Variants in PCDH11X observed in about 807,000 individuals in gnomAD.
PCDH11X encodes protocadherin-11 X-linked.
Under a neutral mutation model 53.3 loss-of-function variants are expected in PCDH11X, and 18 were observed. That is an observed-to-expected ratio of 0.34 (90% confidence interval 0.23 to 0.50). The LOEUF is 0.50. Ranked by LOEUF, PCDH11X falls within the 20% of genes least tolerant of loss-of-function variation. The probability of loss-of-function intolerance (pLI) is 0.98; values close to 1 mark genes in which losing one functional copy is unlikely to be tolerated. For missense variants in PCDH11X, 570 were observed against 1,032.4 expected (o/e 0.55, Z 6.14); for synonymous variants, 279 against 393.3 (o/e 0.71, Z 3.44).
intron 6 of PCDH11X, among the ~76,000 whole-genome samples, chrX:91,916,178 A>G (rs763304341): frequency 9.0e-6 from 1 of 111,548 alleles, no homozygotes; most frequent in East Asian, 2.8e-4. Flanking sequence ...CAAAAAAAGC[A>G]GTACTCAGAG....
At chrX:91,966,614 G>A (rs1364339197) in intron 6 of PCDH11X, among the ~76,000 whole-genome samples, 2 of 109,839 alleles carry the variant, frequency 1.8e-5, no homozygotes, top group Non-Finnish European at 3.8e-5. Context: ...CCTGCACGTT[G>A]TGCACATGTA....
chrX:91,861,173 C>T (rs749996080), intron 5 of PCDH11X, among the ~76,000 whole-genome samples: 30 of 111,571 alleles, frequency 2.7e-4, no homozygotes, highest in African/African-American at 6.5e-4. Flanking sequence ...TTGGTCTCTT[C>T]GGGGATTCTA....
chrX:92,110,463 T>G (rs1225554662), intron 6 of PCDH11X, among the ~76,000 whole-genome samples: 1 of 107,416 alleles, frequency 9.3e-6, no homozygotes, highest in African/African-American at 3.4e-5. Context: ...TACGCCTTTC[T>G]CCAAAGATGA....
Position 92,519,352 on chromosome X carries a change from A to G in PCDH11X, c.3367+51030A>G, listed in dbSNP as rs1265337751. On this transcript the variant is annotated intron_variant, in intron 10 of 10. Coordinates refer to ENST00000682573, the MANE Select transcript of PCDH11X (RefSeq NM_032968.5). Reference sequence around the variant, plus strand: ...ACTTCTTTATTATCTCTATCAAAACATGATACAAAATTGATCTCTTCCCCT... The same window carrying G: ...ACTTCTTTATTATCTCTATCAAAACGTGATACAAAATTGATCTCTTCCCCT... 3.7e-5 allele frequency among the ~76,000 whole-genome samples: 4 copies of G among 108,526 alleles called. No individual in the cohort carries two copies. The East Asian group carries it at 1.2e-3, about 32-fold the overall frequency. The allele number at this position is 108,526 out of a possible 115,157, so 94.2% of individuals were successfully genotyped here.
At chrX:91,850,797 T>A (rs1441629099) in intron 5 of PCDH11X, among the ~76,000 whole-genome samples, 2 of 110,210 alleles carry the variant, frequency 1.8e-5, no homozygotes, top group African/African-American at 6.6e-5. Context: ...CCTTACCAAT[T>A]GGTAAGCATT....
intron 10 of PCDH11X, among the ~76,000 whole-genome samples, chrX:92,616,793 T>C (rs1255985165): frequency 9.0e-6 from 1 of 110,581 alleles, no homozygotes; most frequent in Non-Finnish European, 1.9e-5. Flanking sequence ...TTCCTTTTTA[T>C]TTAGATTATG....
Position 92,114,415 on chromosome X carries a change from C to T in PCDH11X, c.3034-86960C>T. On this transcript the variant is annotated intron_variant, in intron 6 of 10. Transcript: ENST00000682573. Reference sequence around the variant, plus strand: ...CTCGATGACGCCTTCGGGCTCCATCCCATCGGGGCCATTGTCTCTGGATCA... The same window carrying T: ...CTCGATGACGCCTTCGGGCTCCATCTCATCGGGGCCATTGTCTCTGGATCA... 3.2e-6 allele frequency: 3 copies of T among 923,096 alleles called. No individual in the cohort carries two copies. In the South Asian group the frequency reaches 5.9e-5, roughly 18 times the overall value. The allele number at this position is 923,096 out of a possible 1,213,427, so 76.1% of individuals were successfully genotyped here.
chrX:92,402,834 CAACTT>C (rs2148590472), intron 9 of PCDH11X, among the ~76,000 whole-genome samples: 1 of 111,661 alleles, frequency 9.0e-6, no homozygotes, highest in African/African-American at 3.3e-5. Context: ...AGTAAACAGA[CAACTT>C]AAACAGCATC....
chrX:91,785,649 A>G (rs1332691050), intron 1 of PCDH11X, among the ~76,000 whole-genome samples: 1 of 111,138 alleles, frequency 9.0e-6, no homozygotes, highest in African/African-American at 3.3e-5. Flanking sequence ...TCCAAATTAC[A>G]TGTCATTGTC....
At chrX:92,220,607 C>A (rs369242464) in intron 7 of PCDH11X, among the ~76,000 whole-genome samples, 1 of 110,363 alleles carries the variant, frequency 9.1e-6, no homozygotes, top group Non-Finnish European at 1.9e-5. Context: ...GGTGGGACTG[C>A]AAACTAGTTC....
chrX:92,215,129 A>T (rs2066668780), intron 7 of PCDH11X, among the ~76,000 whole-genome samples: 1 of 111,195 alleles, frequency 9.0e-6, no homozygotes, highest in Non-Finnish European at 1.9e-5. Context: ...AGCGACGCAG[A>T]AGACGGGTGA....
intron 1 of PCDH11X, among the ~76,000 whole-genome samples, chrX:91,788,572 T>C (rs1436739491): frequency 2.7e-5 from 3 of 112,188 alleles, no homozygotes; most frequent in African/African-American, 9.7e-5. Context: ...AGATTTTGAG[T>C]GCATTCTCTA....
intron 7 of PCDH11X, among the ~76,000 whole-genome samples, chrX:92,256,662 A>G (rs996199282): frequency 9.0e-6 from 1 of 111,180 alleles, no homozygotes; most frequent in Non-Finnish European, 1.9e-5. Context: ...CATTACCTAA[A>G]TAGTAAGTTC....
chrX:92,210,855 T>A (rs965208023), intron 7 of PCDH11X, among the ~76,000 whole-genome samples: 2 of 111,691 alleles, frequency 1.8e-5, no homozygotes, highest in Non-Finnish European at 3.8e-5. Flanking sequence ...AGTAAGTTCC[T>A]CATCTTCATC....
chrX:91,820,527 T>G (rs1367959123), intron 4 of PCDH11X, among the ~76,000 whole-genome samples: 4 of 97,985 alleles, frequency 4.1e-5, no homozygotes, highest in Non-Finnish European at 5.9e-5. Context: ...TTGTTTGTTT[T>G]TTTCTTGTAA....
chrX:91,887,469 G>T (rs1940284769), intron 6 of PCDH11X, among the ~76,000 whole-genome samples: 1 of 111,187 alleles, frequency 9.0e-6, no homozygotes, highest in African/African-American at 3.3e-5. Context: ...TGACATCTTT[G>T]GTTTAATGTA....
chrX:91,842,641 A>G (rs750212943), intron 5 of PCDH11X, among the ~76,000 whole-genome samples: 39 of 109,250 alleles, frequency 3.6e-4, no homozygotes, highest in African/African-American at 1.2e-3. Flanking sequence ...TTCTTTATAC[A>G]TTGGAAGAGT....
At chrX:92,431,417 G>C (rs2080872094) in intron 9 of PCDH11X, among the ~76,000 whole-genome samples, 1 of 110,529 alleles carries the variant, frequency 9.0e-6, no homozygotes, top group Non-Finnish European at 1.9e-5. Context: ...TTGCACTGGA[G>C]TTTAAGACTT....
rs750301637 is a variant in PCDH11X, at chrX:91,887,587, A to C, written c.3033+8314A>C. Among the ~76,000 whole-genome samples, 35 of 112,132 alleles carry C rather than the reference A, an allele frequency of 3.1e-4. No homozygotes were observed. The Admixed American group carries it at 3.1e-3, about 10-fold the overall frequency. On this transcript the variant is annotated intron_variant, in intron 6 of 10. Coordinates refer to ENST00000682573, the MANE Select transcript of PCDH11X (RefSeq NM_032968.5). ...TAGAAAAATCTAGAAAATTGTATAA[A>C]GCTTTTAGATGAAGAATTTTAAAAT...
Sources: gnomAD v4.1 joint callset for allele counts (sites outside exome capture counted in the v4.1 genomes callset) on GRCh38, gnomAD v4.1.1 for gene constraint, MANE v1.5 for transcripts, NCBI Gene and HGNC (gene_info 2026-07-23, HGNC 2026-07-21) for gene names.